STK3: variants seen among roughly 807,000 people sequenced by gnomAD.
The protein encoded by STK3 is serine/threonine-protein kinase 3.
Under a neutral mutation model 58.0 loss-of-function variants are expected in STK3, and 41 were observed. That is an observed-to-expected ratio of 0.71 (90% CI 0.55 to 0.92). The LOEUF is 0.92. Among genes scored for constraint, STK3 ranks in the 40% least tolerant of loss-of-function variants. The probability of loss-of-function intolerance (pLI) is 0.00; values close to 1 mark genes in which losing one functional copy is unlikely to be tolerated. For missense variants in STK3, 479 were observed against 602.7 expected (o/e 0.79, Z 2.15); for synonymous variants, 170 against 191.0 (o/e 0.89, Z 0.91).
chr8:98,606,836 C>T (rs1816814808), intron 6 of STK3, among the ~76,000 whole-genome samples: 2 of 152,158 alleles, frequency 1.3e-5, no homozygotes. Flanking sequence ...ACCTGTCATT[C>T]TAAGTATAGT....
chr8:98,848,820 G>A (rs1262337570), intron 3 of STK3, among the ~76,000 whole-genome samples: 1 of 152,166 alleles, frequency 6.6e-6, no homozygotes, highest in Non-Finnish European at 1.5e-5. Flanking sequence ...TCATGTACAA[G>A]CTTTGATGTG....
At chr8:98,481,991 G>C (rs147763412) in intron 10 of STK3, among the ~76,000 whole-genome samples, 1 of 152,196 alleles carries the variant, frequency 6.6e-6, no homozygotes, top group Non-Finnish European at 1.5e-5. Context: ...CACTCCCCTT[G>C]AGCTGGCATC....
intron 4 of STK3, among the ~76,000 whole-genome samples, chr8:98,710,257 C>T (rs1473398635): frequency 6.6e-6 from 1 of 152,120 alleles, no homozygotes; most frequent in Non-Finnish European, 1.5e-5. Flanking sequence ...AACTGAGGTA[C>T]CAGATTCATC....
chr8:98,779,466 T>C (rs1831940467), intron 1 of STK3, among the ~76,000 whole-genome samples: 1 of 152,192 alleles, frequency 6.6e-6, no homozygotes, highest in African/African-American at 2.4e-5. Context: ...GTGGCTGAGA[T>C]AGTGACACCT....
At chr8:98,794,348 T>C (rs960248121) in intron 1 of STK3, among the ~76,000 whole-genome samples, 1 of 151,982 alleles carries the variant, frequency 6.6e-6, no homozygotes, top group African/African-American at 2.4e-5. Context: ...AAGCAACCAA[T>C]GCCACAAAAA....
intron 1 of STK3, among the ~76,000 whole-genome samples, chr8:98,823,307 T>C (rs1257657020): frequency 6.6e-6 from 1 of 152,098 alleles, no homozygotes; most frequent in Non-Finnish European, 1.5e-5. Flanking sequence ...AAGTCAGCAC[T>C]AAGGAAGTGT....
chr8:98,574,161 A>C (rs1460070640), intron 8 of STK3, among the ~76,000 whole-genome samples: 1 of 152,170 alleles, frequency 6.6e-6, no homozygotes, highest in Non-Finnish European at 1.5e-5. Context: ...AGGAAAAGTA[A>C]AAAATGTACC....
intron 1 of STK3, among the ~76,000 whole-genome samples, chr8:98,812,082 T>C (rs1362774431): frequency 6.6e-6 from 1 of 152,220 alleles, no homozygotes; most frequent in East Asian, 1.9e-4. Flanking sequence ...AGTGGTGGGA[T>C]TACAGGGGTG....
At chr8:98,773,826 C>T (rs369428345) in intron 2 of STK3, among the ~76,000 whole-genome samples, 6 of 151,680 alleles carry the variant, frequency 4.0e-5, no homozygotes, top group Non-Finnish European at 5.9e-5. Flanking sequence ...GACGGAGCTT[C>T]GCTTGTGTTG....
chr8:98,591,338 T>G (rs1412149882), intron 7 of STK3, among the ~76,000 whole-genome samples: 1 of 152,246 alleles, frequency 6.6e-6, no homozygotes, highest in Non-Finnish European at 1.5e-5. Flanking sequence ...AACACTCAAC[T>G]ACACTAATGT....
chr8:98,633,768 CT>C (rs1819430957), intron 6 of STK3: 3 of 562,542 alleles, frequency 5.3e-6, no homozygotes, highest in Non-Finnish European at 9.9e-6. Context: ...AGAGAAGAAG[CT>C]TTTTAAGCTC....
At chr8:98,385,951 T>G (rs999210998) in intron 1 of STK3, among the ~76,000 whole-genome samples, 4 of 152,136 alleles carry the variant, frequency 2.6e-5, no homozygotes, top group Non-Finnish European at 4.4e-5. Flanking sequence ...ACAGTTGCAA[T>G]GAGCCAAGAG....
chr8:98,906,651 A>T (rs974328399), intron 1 of STK3: 6 of 152,268 alleles, frequency 3.9e-5, no homozygotes, highest in African/African-American at 1.4e-4. Flanking sequence ...AATTGCAAGT[A>T]TTAAAAAATG....
chr8:98,939,848 C>T (rs1287635744), intron 1 of STK3, among the ~76,000 whole-genome samples: 1 of 152,246 alleles, frequency 6.6e-6, no homozygotes, highest in African/African-American at 2.4e-5. Context: ...GCGGTTGGGG[C>T]CTTCCCAGAG....
intron 10 of STK3, among the ~76,000 whole-genome samples, chr8:98,506,806 T>A (rs1824120722): frequency 6.6e-6 from 1 of 151,866 alleles, no homozygotes; most frequent in Non-Finnish European, 1.5e-5. Flanking sequence ...TCTGCTAGAG[T>A]ATTTGGAGGG....
intron 6 of STK3, among the ~76,000 whole-genome samples, chr8:98,624,679 C>A (rs149872738): frequency 1.3e-5 from 2 of 151,846 alleles, no homozygotes; most frequent in Admixed American, 1.3e-4. Context: ...ATGGTGAAAC[C>A]CCATCTCTAC....
intron 3 of STK3, among the ~76,000 whole-genome samples, chr8:98,877,513 C>T (rs991701443): frequency 6.6e-6 from 1 of 151,822 alleles, no homozygotes; most frequent in African/African-American, 2.4e-5. Flanking sequence ...GATGGAGTTT[C>T]GCTCTTGTCG....
intron 1 of STK3, among the ~76,000 whole-genome samples, chr8:98,908,768 G>A (rs1024967610): frequency 4.0e-5 from 6 of 150,736 alleles, no homozygotes; most frequent in Non-Finnish European, 7.4e-5. Flanking sequence ...CCTTGAACCC[G>A]GGAGGCGGAG....
At chr8:98,387,729 G>A (rs1817804321) in intron 1 of STK3, among the ~76,000 whole-genome samples, 1 of 152,074 alleles carries the variant, frequency 6.6e-6, no homozygotes, top group Non-Finnish European at 1.5e-5. Context: ...CAACAAGAGC[G>A]AAACTCCATG....
Sources: allele counts gnomAD v4.1 joint callset (sites outside exome capture counted in the v4.1 genomes callset), GRCh38; gene constraint gnomAD v4.1.1; transcripts MANE v1.5; gene names NCBI Gene and HGNC (gene_info 2026-07-23, HGNC 2026-07-21).